PPP1R12A: variants seen among roughly 807,000 people sequenced by gnomAD.
PPP1R12A encodes myosin binding subunit.
Under a neutral mutation model 139.6 loss-of-function variants are expected in PPP1R12A, and 19 were observed. The ratio of observed to expected loss-of-function variants is 0.14; its 90% CI spans 0.09 to 0.20. The LOEUF (loss-of-function observed/expected upper bound fraction) is 0.20, where lower values mean the gene tolerates loss of function less well. PPP1R12A is among the 10% of genes least tolerant of loss of function. The probability of loss-of-function intolerance (pLI) is 1.00; values close to 1 mark genes in which losing one functional copy is unlikely to be tolerated. For synonymous variants in PPP1R12A, 427 were observed against 420.6 expected, an observed-to-expected ratio of 1.02 and a Z score of -0.19; for missense variants, 925 against 1,211.5, an observed-to-expected ratio of 0.76 and a Z score of 3.51.
At chr12:79,784,417 T>C (rs1279786675) in intron 22 of PPP1R12A, among the ~76,000 whole-genome samples, 1 of 152,166 alleles carries the variant, frequency 6.6e-6, no homozygotes, top group South Asian at 2.1e-4. Context: ...CAGTGACCTA[T>C]GAAATGGTCA....
At chr12:79,780,374 T>C (rs911587976) in intron 23 of PPP1R12A, 22 of 152,108 alleles carry the variant, frequency 1.4e-4, no homozygotes, top group African/African-American at 4.6e-4. Flanking sequence ...ATTAGCTACT[T>C]TGTAATTTAT....
At chr12:79,883,604 T>C (rs927411903) in intron 1 of PPP1R12A, among the ~76,000 whole-genome samples, 1 of 152,220 alleles carries the variant, frequency 6.6e-6, no homozygotes, top group South Asian at 2.1e-4. Flanking sequence ...GCTGAATTTA[T>C]AGGTGTCTGT....
chr12:79,787,445 T>G (rs992987615), intron 21 of PPP1R12A: 2 of 152,222 alleles, frequency 1.3e-5, no homozygotes, highest in East Asian at 3.8e-4. Flanking sequence ...CTCACCCATT[T>G]TTGCCCGTTA....
intron 2 of PPP1R12A, among the ~76,000 whole-genome samples, chr12:79,849,399 A>G (rs1411189006): frequency 6.6e-6 from 1 of 151,324 alleles, no homozygotes; most frequent in Non-Finnish European, 1.5e-5. Flanking sequence ...AGGGGGGAAA[A>G]AAAAAAGAAA....
intron 2 of PPP1R12A, among the ~76,000 whole-genome samples, chr12:79,856,412 A>G (rs905660693): frequency 6.6e-6 from 1 of 152,258 alleles, no homozygotes; most frequent in Non-Finnish European, 1.5e-5. Flanking sequence ...ACACATATGC[A>G]TAAATAATGC....
chr12:79,917,517 A>G (rs1337850100), intron 1 of PPP1R12A, among the ~76,000 whole-genome samples: 2 of 151,466 alleles, frequency 1.3e-5, no homozygotes, highest in Non-Finnish European at 1.5e-5. Context: ...AGTTTAATAT[A>G]TAACAATTAT....
chr12:79,845,991 C>G (rs12309573), intron 2 of PPP1R12A, among the ~76,000 whole-genome samples: 16,895 of 69,398 alleles, frequency 0.24, 1,777 homozygotes, highest in African/African-American at 0.34. Flanking sequence ...TTACTGGTCT[C>G]TGCGCTCCCA....
chr12:79,776,392 A>G (rs538268590), intron 24 of PPP1R12A, among the ~76,000 whole-genome samples: 23 of 152,252 alleles, frequency 1.5e-4, no homozygotes, highest in African/African-American at 5.5e-4. Context: ...GCTTTTATGT[A>G]TGTCAGACCT....
chr12:79,829,941 C>T (rs1433165181), intron 4 of PPP1R12A, among the ~76,000 whole-genome samples: 4 of 151,980 alleles, frequency 2.6e-5, no homozygotes, highest in Admixed American at 2.6e-4. Context: ...AATAGACATG[C>T]AATGGGAGTA....
intron 4 of PPP1R12A, among the ~76,000 whole-genome samples, chr12:79,829,379 C>T (rs913555763): frequency 2.0e-5 from 3 of 152,054 alleles, no homozygotes; most frequent in Non-Finnish European, 2.9e-5. Context: ...GTATAATCCC[C>T]CTTTATTTAT....
At chr12:79,919,280 G>C (rs978932147) in intron 1 of PPP1R12A, among the ~76,000 whole-genome samples, 1 of 151,940 alleles carries the variant, frequency 6.6e-6, no homozygotes, top group African/African-American at 2.4e-5. Flanking sequence ...TTCTCAGCCG[G>C]GCGCGGTGGC....
At chr12:79,841,532 C>T (rs916646034) in intron 3 of PPP1R12A, among the ~76,000 whole-genome samples, 122 of 152,222 alleles carry the variant, frequency 8.0e-4, no homozygotes, top group Middle Eastern at 3.4e-3. Flanking sequence ...CTAAATGAAT[C>T]ATTAAAACTA....
At chr12:79,799,265 C>A (rs1872817888) in intron 14 of PPP1R12A, among the ~76,000 whole-genome samples, 1 of 152,154 alleles carries the variant, frequency 6.6e-6, no homozygotes, top group African/African-American at 2.4e-5. Context: ...TCTCTCACCT[C>A]AGCCTCCTGA....
rs1875544071 is a variant in PPP1R12A at position 79,817,416 on chromosome 12, G to A, written c.1217C>T (p.Thr406Ile). The change falls in exon 9 of 25, where the codon ACA becomes ATA. Residue 406 changes from threonine to isoleucine, a missense_variant. Physicochemically the swap from Thr to Ile is moderately conservative, Grantham distance 89. Transcript: ENST00000450142. ...TACCTTTTTAATAGGTGATGTAGGT[G>A]TTGCTTGACCTGATGACACAGTAGG... ...TTPTVSSGQA[T>I]PTSPIKKFPT... 1 of 1,611,876 alleles carries A rather than the reference G, an allele frequency of 6.2e-7. No homozygotes were observed. Among genetic ancestry groups the A allele is most frequent in the South Asian group, 1.1e-5 (1 of 90,774 alleles).
intron 2 of PPP1R12A, among the ~76,000 whole-genome samples, chr12:79,857,160 T>C (rs140313490): frequency 0.027 from 4,075 of 152,174 alleles, 72 homozygotes; most frequent in Non-Finnish European, 0.044. Context: ...TTATTCACAA[T>C]AGCAAAGGCT....
Position 79,806,282 on chromosome 12 carries a change from G to A in PPP1R12A, c.1707C>T (p.Ser569=), listed in dbSNP as rs1316675553. The A allele has an allele frequency of 6.8e-6, 11 of 1,613,778 alleles. No individual in the cohort carries two copies. Among genetic ancestry groups the A allele is most frequent in the African/African-American group, 2.7e-5 (2 of 74,926 alleles). The change falls in exon 13 of 25, where the codon AGC becomes AGT. Residue 569 remains serine, a synonymous_variant. Coordinates refer to ENST00000450142, the MANE Select transcript of PPP1R12A (RefSeq NM_002480.3). ...AGGTAACTGTTGGTGTTGATGTGGT[G>A]CTTGGAACACTAGAACTAATCAAAT... is the stretch of plus-strand genomic sequence containing the variant. ...QDDLISSSVP[S]TTSTPTVTSA...
intron 3 of PPP1R12A, among the ~76,000 whole-genome samples, chr12:79,833,500 C>T (rs1031324533): frequency 1.4e-4 from 21 of 151,998 alleles, no homozygotes; most frequent in African/African-American, 5.1e-4. Context: ...CTTTTATCCC[C>T]ACTGTCTGGT....
At chr12:79,902,319 A>T (rs1403287947) in intron 1 of PPP1R12A, among the ~76,000 whole-genome samples, 1 of 152,156 alleles carries the variant, frequency 6.6e-6, no homozygotes, top group African/African-American at 2.4e-5. Context: ...TTTCTTCTTA[A>T]GCCCTTTCAT....
chr12:79,843,911 G>T (rs1473771138), intron 3 of PPP1R12A, among the ~76,000 whole-genome samples: 2 of 151,898 alleles, frequency 1.3e-5, no homozygotes, highest in Non-Finnish European at 2.9e-5. Flanking sequence ...CACCATGTTG[G>T]TCAGGCTGGT....
Sources: gnomAD v4.1 joint callset for allele counts (sites outside exome capture counted in the v4.1 genomes callset) on GRCh38, gnomAD v4.1.1 for gene constraint, MANE v1.5 for transcripts, NCBI Gene and HGNC (gene_info 2026-07-23, HGNC 2026-07-21) for gene names.